Variants in ALMS1 observed in about 807,000 individuals in gnomAD.
ALMS1 encodes ALMS1 centrosome and basal body associated protein, also known as centrosome-associated protein ALMS1.
A neutral mutation model predicts 352.2 loss-of-function variants in ALMS1; 271 were observed. The ratio of observed to expected loss-of-function variants is 0.77; its 90% CI spans 0.70 to 0.85. The LOEUF (loss-of-function observed/expected upper bound fraction) is 0.85. Ranked by LOEUF, ALMS1 falls within the 40% of genes least tolerant of loss-of-function variation. ALMS1 has a pLI of 0.00. For synonymous variants in ALMS1, 1,865 were observed against 1,761.2 expected (o/e 1.06, Z -1.48); for missense variants, 5,445 against 4,870.7 (o/e 1.12, Z -3.51).
At chr2:73,483,932 C>A (rs1461356865) in intron 9 of ALMS1, among the ~76,000 whole-genome samples, 1 of 148,534 alleles carries the variant, frequency 6.7e-6, no homozygotes, top group Non-Finnish European at 1.5e-5. Flanking sequence ...CTTGGTAGAT[C>A]TTCCTCCATC....
At chr2:73,528,667 T>G (rs989028157) in intron 11 of ALMS1, among the ~76,000 whole-genome samples, 15 of 151,810 alleles carry the variant, frequency 9.9e-5, no homozygotes, top group African/African-American at 3.2e-4. Context: ...TCTTGTTTTT[T>G]TTTGCATTCA....
intron 1 of ALMS1, among the ~76,000 whole-genome samples, chr2:73,396,085 A>AC (rs1459689152): frequency 1.3e-5 from 2 of 152,074 alleles, no homozygotes; most frequent in Non-Finnish European, 2.9e-5. Flanking sequence ...CCTGTCTTTT[A>AC]CCCCCGAGTA....
At position 73,453,759 on chromosome 2, in the gene ALMS1, T is replaced by C; in HGVS notation, c.7232T>C (p.Ile2411Thr). 1 of 1,614,126 alleles carries C rather than the reference T, an allele frequency of 6.2e-7. No individual in the cohort carries two copies. Among genetic ancestry groups the C allele is most frequent in the Non-Finnish European group, 8.5e-7 (1 of 1,180,004 alleles). ...ATTATTATCCCTATGATGACTGTCA[T>C]AAAAAGTGATTCAAGTAGTGATGCC... ...NKIIIPMMTV[I>T]KSDSSSDASD... Residue 2411 changes from isoleucine (I) to threonine (T), a missense_variant, in exon 8 of 23, where the codon ATA becomes ACA. Transcript: ENST00000613296.
chr2:73,414,386 AT>A (rs57275721), intron 2 of ALMS1, among the ~76,000 whole-genome samples: 9,231 of 150,922 alleles, frequency 0.061, 682 homozygotes, highest in African/African-American at 0.16. Flanking sequence ...TTTTAAAAAA[AT>A]ATTTCCTTTA....
Position 73,490,120 on chromosome 2 carries a change from C to T in ALMS1, c.8161C>T (p.Arg2721Ter), listed in dbSNP as rs193919340. The change falls in exon 10 of 23, where the codon CGA becomes TGA. Residue 2721 changes from arginine to a stop codon, truncating the protein, a stop_gained. Transcript: ENST00000613296. LOFTEE classifies it high-confidence loss of function. The stretch of plus-strand genomic sequence containing the variant: ...TACCTCCATCACTTTTTCATCTCAC[C>T]GACATTCTAAATGCATTTCCAATTC... ...FTTSITFSSH[R>*]HSKCISNSSV... The T allele has an allele frequency of 8.7e-6, 14 of 1,614,104 alleles. No individual in the cohort carries two copies. Among genetic ancestry groups the T allele is most frequent in the South Asian group, 4.4e-5 (4 of 91,076 alleles).
chr2:73,389,004 T>G (rs1670591298), intron 1 of ALMS1, among the ~76,000 whole-genome samples: 1 of 152,198 alleles, frequency 6.6e-6, no homozygotes, highest in African/African-American at 2.4e-5. Flanking sequence ...TTTTGAGTTC[T>G]TCAAGAAATC....
In ALMS1 at chr2:73,600,723, T is replaced by C. The variant is rs1480019069; in HGVS notation, c.11714T>C (p.Val3905Ala). 6.2e-7 allele frequency: 1 copy of C among 1,614,060 alleles called. No individual in the cohort carries two copies. Among genetic ancestry groups the C allele is most frequent in the Admixed American group, 1.7e-5 (1 of 60,006 alleles). The change falls in exon 18 of 23, where the codon GTT becomes GCT. Residue 3905 changes from valine to alanine, a missense_variant. Val to Ala is a moderately conservative substitution (Grantham distance 64). Transcript: ENST00000613296. Reference protein sequence around the residue: ...VNGAKKHTRDVGITFPTPSSS... With the variant: ...VNGAKKHTRDAGITFPTPSSS... ...GGTGCCAAAAAACACACTCGAGATG[T>C]TGGGATAACTTTCCCAACTCCAAGT...
chr2:73,514,659 G>A (rs1422549867), intron 10 of ALMS1, among the ~76,000 whole-genome samples: 1 of 152,030 alleles, frequency 6.6e-6, no homozygotes, highest in African/African-American at 2.4e-5. Flanking sequence ...CATCCTTTAA[G>A]TGTTCTGCAT....
chr2:73,544,463 T>C (rs918080822), intron 12 of ALMS1, among the ~76,000 whole-genome samples: 71 of 152,228 alleles, frequency 4.7e-4, no homozygotes, highest in African/African-American at 1.7e-3. Context: ...CATGTATACA[T>C]ATGTAACAAA....
intron 11 of ALMS1, among the ~76,000 whole-genome samples, chr2:73,523,030 T>G (rs1673717368): frequency 6.6e-6 from 1 of 152,174 alleles, no homozygotes; most frequent in African/African-American, 2.4e-5. Context: ...TTCTAAGATC[T>G]TCCATCTAAC....
chr2:73,445,211 C>G (rs747557350), intron 7 of ALMS1, among the ~76,000 whole-genome samples: 40 of 152,024 alleles, frequency 2.6e-4, no homozygotes, highest in Non-Finnish European at 4.3e-4. Context: ...AATGGAGTAT[C>G]TGTCACCTCA....
At chr2:73,398,363 G>A (rs1670805783) in intron 1 of ALMS1, among the ~76,000 whole-genome samples, 1 of 152,138 alleles carries the variant, frequency 6.6e-6, no homozygotes, top group African/African-American at 2.4e-5. Context: ...GTTGATACAT[G>A]CTGTCTTTAT....
rs1435381434 is a variant in ALMS1, at chr2:73,489,768, T to A, written c.7809T>A (p.Ala2603=). The change falls in exon 10 of 23, where the codon GCT becomes GCA. Residue 2603 remains alanine (A), a synonymous_variant. Transcript: ENST00000613296. ...EHPQLDRHPC[A]FRSAGPSEMT... ...CACAACTAGATAGACACCCTTGTGC[T>A]TTCAGATCTGCTGGACCCTCAGAAA... is the stretch of plus-strand genomic sequence containing the variant. 6.2e-7 allele frequency: 1 copy of A among 1,614,014 alleles called. No individual in the cohort carries two copies. The highest frequency in any genetic ancestry group is 1.3e-5 in the African/African-American group (1 of 74,906).
At chr2:73,506,687 G>A (rs1404168194) in intron 10 of ALMS1, among the ~76,000 whole-genome samples, 2 of 152,180 alleles carry the variant, frequency 1.3e-5, no homozygotes, top group Non-Finnish European at 2.9e-5. Context: ...GGGCTGAGAT[G>A]ATGGGGTTCT....
chr2:73,434,972 T>G (rs936587650), intron 7 of ALMS1, among the ~76,000 whole-genome samples: 2 of 152,162 alleles, frequency 1.3e-5, no homozygotes, highest in African/African-American at 4.8e-5. Context: ...TAATTAGAAT[T>G]GACCTTTTAA....
intron 10 of ALMS1, among the ~76,000 whole-genome samples, chr2:73,511,800 AGGTGCTGTG>A (rs983112794): frequency 1.3e-5 from 2 of 152,174 alleles, no homozygotes; most frequent in African/African-American, 4.8e-5. Context: ...TAAAACATAG[AGGTGCTGTG>A]GAATATCCTA....
chr2:73,449,245 T>C lies in ALMS1; in HGVS notation c.2718T>C (p.Ser906=), dbSNP rs2103776260. The change falls in exon 8 of 23, where the codon AGT becomes AGC. Residue 906 remains serine, a synonymous_variant. Transcript: ENST00000613296. ...CTGGGATACCCTCAGCACCATCTAG[T>C]TTCTACTCACACAGAGAGAAGCCCA... is the stretch of plus-strand genomic sequence containing the variant. The part of the protein sequence containing the change: ...QKTGIPSAPS[S]FYSHREKPII... The C allele has an allele frequency of 6.2e-7, 1 of 1,614,096 alleles. No individual in the cohort carries two copies. The highest frequency in any genetic ancestry group is 8.5e-7 in the Non-Finnish European group (1 of 1,179,990).
chr2:73,447,868 C>A, intron 7 of ALMS1, 92 bp from the exon 8 acceptor site: 1 of 1,399,170 alleles, frequency 7.1e-7, no homozygotes, highest in South Asian at 1.6e-5. Flanking sequence ...TTTCTAGAAG[C>A]TTTTTAAAGG....
intron 11 of ALMS1, among the ~76,000 whole-genome samples, chr2:73,527,741 AT>A (rs1365897359): frequency 6.6e-6 from 1 of 151,956 alleles, no homozygotes; most frequent in African/African-American, 2.4e-5. Flanking sequence ...TTTTTCTCAT[AT>A]CAATTTTATG....
Sources: allele counts gnomAD v4.1 joint callset (sites outside exome capture counted in the v4.1 genomes callset), GRCh38; gene constraint gnomAD v4.1.1; transcripts MANE v1.5; gene names NCBI Gene and HGNC (gene_info 2026-07-23, HGNC 2026-07-21).